MAPK10: variants seen among roughly 807,000 people sequenced by gnomAD.
MAPK10 encodes the protein mitogen-activated protein kinase 10.
Under a neutral mutation model 59.3 loss-of-function variants are expected in MAPK10, and 25 were observed. The observed-to-expected ratio is 0.42, with a 90% CI of 0.31 to 0.59. The LOEUF is 0.59. MAPK10 is among the 20% of genes least tolerant of loss of function. The pLI is 0.15. For missense variants in MAPK10, 351 were observed against 568.9 expected (o/e 0.62, Z 3.90); for synonymous variants, 190 against 200.5 (o/e 0.95, Z 0.44).
chr4:86,576,726 G>A (rs1217156960), intron 1 of MAPK10, among the ~76,000 whole-genome samples: 4 of 151,450 alleles, frequency 2.6e-5, no homozygotes, highest in Admixed American at 2.0e-4. Flanking sequence ...AGTGAGCCGA[G>A]ATCGCGCCAC....
At chr4:86,412,037 C>T (rs1745243703) in intron 1 of MAPK10, among the ~76,000 whole-genome samples, 1 of 152,158 alleles carries the variant, frequency 6.6e-6, no homozygotes. Flanking sequence ...GTGGCTAGTA[C>T]CGGTTGTCCC....
At chr4:86,256,945 G>A (rs1335845998) in intron 2 of MAPK10, among the ~76,000 whole-genome samples, 3 of 146,488 alleles carry the variant, frequency 2.0e-5, no homozygotes, top group Non-Finnish European at 4.4e-5. Flanking sequence ...GTGGAGACGG[G>A]GTTTCACTGT....
intron 11 of MAPK10, among the ~76,000 whole-genome samples, chr4:86,054,648 T>C (rs182093934): frequency 7.0e-4 from 107 of 152,340 alleles, no homozygotes; most frequent in African/African-American, 2.4e-3. Flanking sequence ...ATCAGATTCA[T>C]ATCCATTGTA....
intron 2 of MAPK10, among the ~76,000 whole-genome samples, chr4:86,280,862 TATG>T (rs1211868824): frequency 6.6e-6 from 1 of 152,082 alleles, no homozygotes; most frequent in Admixed American, 6.6e-5. Context: ...CCAAATACCT[TATG>T]TTCTCACTTA....
At chr4:86,150,118 C>T (rs2066044169) in intron 4 of MAPK10, among the ~76,000 whole-genome samples, 1 of 152,122 alleles carries the variant, frequency 6.6e-6, no homozygotes. Context: ...TACCACTCAG[C>T]CATTAAAAGG....
chr4:86,065,254 G>A (rs2046513852), intron 10 of MAPK10: 1 of 152,066 alleles, frequency 6.6e-6, no homozygotes, highest in Non-Finnish European at 1.5e-5. Context: ...GAATTGAAGT[G>A]ATAGAAATAA....
At chr4:86,430,272 T>C (rs964054555) in intron 1 of MAPK10, among the ~76,000 whole-genome samples, 1 of 152,208 alleles carries the variant, frequency 6.6e-6, no homozygotes, top group African/African-American at 2.4e-5. Context: ...AACATAAAAC[T>C]GGTCCATGTT....
intron 1 of MAPK10, among the ~76,000 whole-genome samples, chr4:86,575,310 T>C (rs1381955101): frequency 2.3e-4 from 35 of 152,176 alleles, no homozygotes; most frequent in Non-Finnish European, 8.8e-5. Flanking sequence ...TGTCAGCCAA[T>C]TCCTCTAATA....
intron 11 of MAPK10, among the ~76,000 whole-genome samples, chr4:86,036,864 ACT>A (rs1188734541): frequency 1.3e-5 from 2 of 152,146 alleles, no homozygotes; most frequent in Non-Finnish European, 2.9e-5. Flanking sequence ...ATATGTGGAC[ACT>A]CTACATAGCA....
intron 4 of MAPK10, among the ~76,000 whole-genome samples, chr4:86,157,128 C>T (rs1188993989): frequency 6.6e-6 from 1 of 151,862 alleles, no homozygotes; most frequent in East Asian, 1.9e-4. Context: ...TACCTTTTCC[C>T]CCATGCTGAT....
At chr4:86,559,062 C>T (rs1226707181) in intron 1 of MAPK10, among the ~76,000 whole-genome samples, 8 of 152,128 alleles carry the variant, frequency 5.3e-5, no homozygotes, top group Non-Finnish European at 8.8e-5. Context: ...CATTATACCT[C>T]ATGTTAATGG....
chr4:86,350,978 T>A (rs1296462061), intron 2 of MAPK10, among the ~76,000 whole-genome samples: 2 of 152,156 alleles, frequency 1.3e-5, no homozygotes, highest in Non-Finnish European at 2.9e-5. Context: ...TTCTTTGCAT[T>A]TTTTTGCAGG....
At chr4:86,515,418 T>C (rs1300709568) in intron 1 of MAPK10, among the ~76,000 whole-genome samples, 1 of 152,210 alleles carries the variant, frequency 6.6e-6, no homozygotes, top group Non-Finnish European at 1.5e-5. Context: ...CACACTGTTT[T>C]TTATAGTGGT....
At chr4:86,586,873 A>T (rs1488088970) in intron 1 of MAPK10, among the ~76,000 whole-genome samples, 3 of 152,242 alleles carry the variant, frequency 2.0e-5, no homozygotes, top group Non-Finnish European at 4.4e-5. Context: ...GGAGCACCAC[A>T]ATTAAATTTT....
chr4:86,481,498 C>G (rs1220373335), intron 1 of MAPK10, among the ~76,000 whole-genome samples: 2 of 151,616 alleles, frequency 1.3e-5, no homozygotes, highest in Non-Finnish European at 2.9e-5. Context: ...CACCATGTAG[C>G]CATGCAATCC....
exon 1 of MAPK10, chr4:86,453,188 G>A: frequency 6.6e-6 from 1 of 152,484 alleles, no homozygotes; most frequent in Non-Finnish European, 1.5e-5. Flanking sequence ...AAAGCTGCAG[G>A]GAGAAGGAAA....
chr4:86,248,765 A>G (rs1257151379), intron 2 of MAPK10, among the ~76,000 whole-genome samples: 1 of 152,244 alleles, frequency 6.6e-6, no homozygotes, highest in Non-Finnish European at 1.5e-5. Flanking sequence ...GGCAAAGAGA[A>G]ACAGACTGAA....
intron 2 of MAPK10, among the ~76,000 whole-genome samples, chr4:86,317,312 G>A (rs1210636817): frequency 3.3e-5 from 5 of 152,028 alleles, no homozygotes; most frequent in Admixed American, 6.6e-5. Context: ...TCCTTCTCAC[G>A]TTCGTACTTT....
chr4:86,418,775 G>A (rs1746157370), intron 1 of MAPK10, among the ~76,000 whole-genome samples: 1 of 152,280 alleles, frequency 6.6e-6, no homozygotes, highest in East Asian at 1.9e-4. Context: ...CAGCCTAAAT[G>A]CCCATCAGCC....
Sources: allele counts gnomAD v4.1 joint callset (sites outside exome capture counted in the v4.1 genomes callset), GRCh38; gene constraint gnomAD v4.1.1; transcripts MANE v1.5; gene names NCBI Gene and HGNC (gene_info 2026-07-23, HGNC 2026-07-21).